CNPPD1: variants seen among roughly 807,000 people sequenced by gnomAD.
The protein encoded by CNPPD1 is cyclin Pas1/PHO80 domain containing 1, also known as protein CNPPD1.
In CNPPD1, 40 loss-of-function variants were observed where a neutral mutation model predicts 43.7. That is an observed-to-expected ratio of 0.92 (90% CI 0.71 to 1.19). The LOEUF (loss-of-function observed/expected upper bound fraction) is 1.19, where lower values mean the gene tolerates loss of function less well. Among genes scored for constraint, CNPPD1 ranks in the 50% most tolerant of loss-of-function variants. The pLI is 0.00. For missense variants in CNPPD1, 511 were observed against 518.5 expected (o/e 0.99, Z 0.14); for synonymous variants, 208 against 214.3 (o/e 0.97, Z 0.26).
Position 219,172,369 on chromosome 2 carries a change from C to T in CNPPD1, c.*217G>A. The stretch of plus-strand genomic sequence containing the variant: ...TCCCTGGTCACCAAGCGGAAGCTCT[C>T]CCTGGCGGCATCACTGTCCTGGCCA... On this transcript the variant is annotated 3_prime_UTR_variant, in exon 8 of 8. Coordinates refer to ENST00000360507, the MANE Select transcript of CNPPD1 (RefSeq NM_015680.6). 1.7e-6 allele frequency: 1 copy of T among 602,314 alleles called. No individual in the cohort carries two copies. The highest frequency in any genetic ancestry group is 2.0e-5 in the South Asian group (1 of 50,994). The allele number at this position is 602,314 out of a possible 1,614,324, so 37.3% of individuals were successfully genotyped here.
chr2:219,177,000 C>T (rs1038487850), upstream of CNPPD1: 11 of 575,510 alleles, frequency 1.9e-5, no homozygotes, highest in Admixed American at 3.8e-5. Context: ...AGGCGGGGCC[C>T]GGGCTGAACT....
chr2:219,174,894 T>G lies in CNPPD1; in HGVS notation c.394A>C (p.Lys132Gln). The change falls in exon 5 of 8, where the codon AAG (lysine) becomes CAG (glutamine). Residue 132 changes from lysine to glutamine, a missense_variant. By Grantham distance (53) the Lys-to-Gln change is moderately conservative (BLOSUM62 1). Transcript: ENST00000360507. ...TCCTCCCCTTCATCATAGAGGTACT[T>G]ACTGGCCACCATCTGCAGAGGAACC... is the stretch of plus-strand genomic sequence containing the variant. ...LFLISMMVAS[K>Q]YLYDEGEEEE... 4 of 1,614,122 alleles carry G rather than the reference T, an allele frequency of 2.5e-6. No individual in the cohort carries two copies. Among genetic ancestry groups the G allele is most frequent in the Non-Finnish European group, 3.4e-6 (4 of 1,180,022 alleles).
rs1212520407 is a variant in CNPPD1 at position 219,172,433 on chromosome 2, A to G, written c.*153T>C. ...TGCGATCTAGGAGTGAATTACCTTC[A>G]GTCCTTCTGCCCCACCACCCCATAA... On this transcript the variant is annotated 3_prime_UTR_variant, in exon 8 of 8. Transcript: ENST00000360507. The G allele has an allele frequency of 1.8e-5, 14 of 788,256 alleles. No individual in the cohort carries two copies. The highest frequency in any genetic ancestry group is 2.3e-5 in the Non-Finnish European group (11 of 475,048). The allele number at this position is 788,256 out of a possible 1,614,324, so 48.8% of individuals were successfully genotyped here.
At chr2:219,176,119 T>C in intron 2 of CNPPD1, 104 bp downstream of exon 2, 2 of 803,960 alleles carry the variant, frequency 2.5e-6, no homozygotes, top group South Asian at 1.5e-5. Flanking sequence ...GAGCTAGCAA[T>C]GAAGAGACAG....
intron 1 of CNPPD1, 36 bp downstream of exon 1, chr2:219,176,724 C>G (rs990190962): frequency 5.7e-6 from 8 of 1,405,110 alleles, no homozygotes; most frequent in South Asian, 2.5e-5. Context: ...GAGGGGCGCG[C>G]CGGGAGGCCG....
chr2:219,172,370 C>T lies in CNPPD1; in HGVS notation c.*216G>A. On this transcript the variant is annotated 3_prime_UTR_variant, in exon 8 of 8. Transcript: ENST00000360507. ...CCCTGGTCACCAAGCGGAAGCTCTC[C>T]CTGGCGGCATCACTGTCCTGGCCAA... 3.3e-6 allele frequency: 2 copies of T among 602,914 alleles called. No individual in the cohort carries two copies. Among genetic ancestry groups the T allele is most frequent in the East Asian group, 2.8e-5 (1 of 35,196 alleles). 37.3% of individuals were successfully genotyped at this position (602,914 alleles called of 1,614,324 possible). A position where few individuals can be genotyped will look rare whatever the true frequency, so the allele number is the denominator to read the frequency against.
At chr2:219,177,580 A>C (rs560922148), upstream of CNPPD1, 1 of 152,126 alleles carries the variant, frequency 6.6e-6, no homozygotes, top group Non-Finnish European at 1.5e-5. Flanking sequence ...TTGAACTTTT[A>C]AACCTAAGGC....
rs144460051 is a variant in CNPPD1 at position 219,172,878 on chromosome 2, G to A, written c.941C>T (p.Ala314Val). The A allele has an allele frequency of 6.5e-4, 1,044 of 1,600,918 alleles. 7 individuals carry two copies. The African/African-American group carries it at 0.012, about 19-fold the overall frequency. The change falls in exon 8 of 8, where the codon GCC becomes GTC. Residue 314 changes from alanine to valine, a missense_variant. Physicochemically the swap from Ala to Val is moderately conservative, Grantham distance 64. Coordinates refer to ENST00000360507, the MANE Select transcript of CNPPD1 (RefSeq NM_015680.6). ...GLRSLWGSLLASLTPPPLPPP... is the reference protein window; with the variant it reads ...GLRSLWGSLLVSLTPPPLPPP... Reference sequence around the variant, plus strand: ...AGGCAATGGTGGAGGAGTCAGTGAGGCCAGAAGACTGCCCCAGAGTGACCG... The same window carrying A: ...AGGCAATGGTGGAGGAGTCAGTGAGACCAGAAGACTGCCCCAGAGTGACCG...
At chr2:219,177,142 A>G (rs565703213), upstream of CNPPD1, 30 of 290,800 alleles carry the variant, frequency 1.0e-4, no homozygotes, top group Admixed American at 2.6e-4. Context: ...CGAGGCGCGT[A>G]CTCCGCCTGT....
upstream of CNPPD1, chr2:219,176,996 G>T (rs187246428): frequency 5.1e-6 from 3 of 590,890 alleles, no homozygotes; most frequent in Non-Finnish European, 8.8e-6. Context: ...CGGAAGGCGG[G>T]GCCCGGGCTG....
intron 1 of CNPPD1, 79 bp downstream of exon 1, chr2:219,176,681 A>G: frequency 6.3e-6 from 7 of 1,108,256 alleles, no homozygotes; most frequent in Non-Finnish European, 9.2e-6. Flanking sequence ...CCGGCACAGC[A>G]GTCAGGCGAG....
chr2:219,176,948 T>TCCTCGCCCTCGC (rs539599905), upstream of CNPPD1: 4 of 799,412 alleles, frequency 5.0e-6, no homozygotes, highest in Non-Finnish European at 7.8e-6. Context: ...CGGGCCGCCG[T>TCCTCGCCCTCGC]CCTCGCCCTC....
intron 5 of CNPPD1, 44 bp from the exon 6 acceptor site, chr2:219,174,251 C>G: frequency 6.3e-7 from 1 of 1,586,830 alleles, no homozygotes; most frequent in Non-Finnish European, 8.7e-7. Context: ...TTGGATGAGC[C>G]ACAGTCATTT....
chr2:219,172,844 G>A lies in CNPPD1; in HGVS notation c.975C>T (p.Asp325=), dbSNP rs768612381. The change falls in exon 8 of 8, where the codon GAC becomes GAT. Residue 325 remains aspartate (D), a synonymous_variant. Transcript: ENST00000360507. ...GAAGAAGAGTGGGAGGGGCAGGGGGGTCTGGGGGAGGCAATGGTGGAGGAG... is the reference window on the plus strand; with the variant it reads ...GAAGAAGAGTGGGAGGGGCAGGGGGATCTGGGGGAGGCAATGGTGGAGGAG... ...SLTPPPLPPP[D]PPAPPTLLHN... is the part of the protein sequence containing the mutation. 3.8e-6 allele frequency: 6 copies of A among 1,588,026 alleles called. No homozygotes were observed. The highest frequency in any genetic ancestry group is 1.7e-5 in the Admixed American group (1 of 57,822).
At chr2:219,175,742 TAGC>T in intron 2 of CNPPD1, 70 bp from the exon 3 acceptor site, 1 of 1,298,258 alleles carries the variant, frequency 7.7e-7, no homozygotes, top group East Asian at 2.3e-5. Flanking sequence ...TCCCCACTGC[TAGC>T]AGAAGACCCA....
intron 1 of CNPPD1, among the ~76,000 whole-genome samples, 182 bp downstream of exon 1, chr2:219,176,578 C>T (rs558670648): frequency 1.3e-5 from 2 of 152,230 alleles, no homozygotes; most frequent in Non-Finnish European, 2.9e-5. Flanking sequence ...GTGTGGCCAC[C>T]CCTACGCCCA....
rs774356157 is a variant in CNPPD1 at position 219,174,850 on chromosome 2, G to A, written c.438C>T (p.Asp146=). 18 of 1,614,016 alleles carry A rather than the reference G, an allele frequency of 1.1e-5. No individual in the cohort carries two copies. Among genetic ancestry groups the A allele is most frequent in the Non-Finnish European group, 1.5e-5 (18 of 1,180,032 alleles). ...DEGEEEEVFN[D]EWGAAGGVAV... ...CCACACCCCCAGCAGCTCCCCATTC[G>A]TCGTTGAAGACCTCCTCCTCCTCCC... Residue 146 remains aspartate, a synonymous_variant, in exon 5 of 8, where the codon GAC becomes GAT. Coordinates refer to ENST00000360507, the MANE Select transcript of CNPPD1 (RefSeq NM_015680.6).
At chr2:219,175,745 C>G (rs1286035072) in intron 2 of CNPPD1, 73 bp from the exon 3 acceptor site, 2 of 1,242,994 alleles carry the variant, frequency 1.6e-6, no homozygotes, top group Non-Finnish European at 1.2e-6. Context: ...CCACTGCTAG[C>G]AGAAGACCCA....
chr2:219,176,687 G>T, intron 1 of CNPPD1, 73 bp downstream of exon 1: 4 of 1,179,322 alleles, frequency 3.4e-6, no homozygotes, highest in African/African-American at 1.5e-5. Context: ...CAGCAGTCAG[G>T]CGAGCTCGCA....
Sources: gnomAD v4.1 joint callset for allele counts (sites outside exome capture counted in the v4.1 genomes callset) on GRCh38, gnomAD v4.1.1 for gene constraint, MANE v1.5 for transcripts, NCBI Gene and HGNC (gene_info 2026-07-23, HGNC 2026-07-21) for gene names.